The following SPEF2 variants were observed in gnomAD, a reference collection of about 807,000 sequenced individuals.
SPEF2 encodes sperm flagellar and cilia associated 2.
SPEF2 carries 187 observed loss-of-function variants against 224.6 expected under a neutral mutation model. The observed-to-expected ratio is 0.83, with a 90% confidence interval of 0.74 to 0.94. SPEF2 has a LOEUF of 0.94. Ranked by LOEUF, SPEF2 falls within the 40% of genes least tolerant of loss-of-function variation. The probability of loss-of-function intolerance (pLI) is 0.00; values close to 1 mark genes in which losing one functional copy is unlikely to be tolerated. For synonymous variants in SPEF2, 715 were observed against 707.3 expected (o/e 1.01, Z -0.17); for missense variants, 2,170 against 2,135.6 (o/e 1.02, Z -0.32).
intron 21 of SPEF2, among the ~76,000 whole-genome samples, chr5:35,733,040 C>G (rs1480817358): frequency 6.6e-6 from 1 of 152,146 alleles, no homozygotes; most frequent in East Asian, 1.9e-4. Context: ...CCCTGTGGGT[C>G]TGGGAACATA....
chr5:35,773,788 G>A, intron 27 of SPEF2, 105 bp from the exon 28 acceptor site: 2 of 1,324,158 alleles, frequency 1.5e-6, no homozygotes, highest in Middle Eastern at 2.1e-4. Flanking sequence ...AATCACTAGA[G>A]GTTTATAGCT....
intron 10 of SPEF2, among the ~76,000 whole-genome samples, chr5:35,676,407 T>C (rs1752018992): frequency 6.6e-6 from 1 of 152,148 alleles, no homozygotes; most frequent in Admixed American, 6.5e-5. Context: ...CCAGCTAGGA[T>C]TTTAGAGTTG....
chr5:35,745,994 A>C (rs937817071), intron 23 of SPEF2, among the ~76,000 whole-genome samples: 2 of 152,214 alleles, frequency 1.3e-5, no homozygotes, highest in Admixed American at 1.3e-4. Context: ...TTCACATCAC[A>C]GGACTCTGTG....
chr5:35,667,067 T>C lies in SPEF2; in HGVS notation c.1168-5T>C, dbSNP rs1434341679. On this transcript the variant is annotated splice_polypyrimidine_tract_variant and splice_region_variant and intron_variant, in intron 8 of 36. Transcript: ENST00000356031. ...TGACTTAAAAATATGTTTTTGCCTT[T>C]TTAGGCTTTGGCAAAACAAGCCAAG... 3 of 1,595,454 alleles carry C rather than the reference T, an allele frequency of 1.9e-6. No homozygotes were observed. The highest frequency in any genetic ancestry group is 1.4e-5 in the African/African-American group (1 of 73,806).
chr5:35,623,941 C>G (rs1743856594), intron 1 of SPEF2, among the ~76,000 whole-genome samples: 1 of 152,028 alleles, frequency 6.6e-6, no homozygotes, highest in Admixed American at 6.5e-5. Context: ...AAGGTAGACC[C>G]CATCACTCTC....
intron 21 of SPEF2, among the ~76,000 whole-genome samples, chr5:35,733,834 G>T (rs1175332215): frequency 6.6e-6 from 1 of 151,750 alleles, no homozygotes; most frequent in African/African-American, 2.4e-5. Context: ...TCAAATCCCA[G>T]CTATGTCACT....
At position 35,691,463 on chromosome 5, in the gene SPEF2, T is replaced by A. The variant is rs74977704; in HGVS notation, c.1744+207T>A. Among the ~76,000 whole-genome samples the A allele has an allele frequency of 1.6e-3, 238 of 152,340 alleles. 1 individual carries two copies. The highest frequency in any genetic ancestry group is 5.5e-3 in the African/African-American group (227 of 41,580). ...TTGATACATGCTACAACATGGATGA[T>A]CCTTCACAACATTATGCTAAGTGAA... On this transcript the variant is annotated intron_variant, in intron 11 of 36. Transcript: ENST00000356031.
chr5:35,778,129 G>A (rs1753853321), intron 29 of SPEF2, among the ~76,000 whole-genome samples: 1 of 152,020 alleles, frequency 6.6e-6, no homozygotes, highest in Admixed American at 6.6e-5. Context: ...TTCAGTATGT[G>A]GTATATTTGG....
intron 34 of SPEF2, among the ~76,000 whole-genome samples, chr5:35,803,740 C>T (rs1757738645): frequency 6.6e-6 from 1 of 152,190 alleles, no homozygotes; most frequent in South Asian, 2.1e-4. Flanking sequence ...ACACCTCTAG[C>T]AGATTCATAT....
intron 12 of SPEF2, among the ~76,000 whole-genome samples, chr5:35,693,940 C>G (rs114484151): frequency 0.035 from 5,280 of 152,232 alleles, 148 homozygotes; most frequent in Non-Finnish European, 0.051. Flanking sequence ...ACTGACATCT[C>G]TAGGATTGTT....
chr5:35,751,078 T>TAC lies in SPEF2; in HGVS notation c.3331-2528_3331-2527dup, dbSNP rs1180305756. 1.9e-3 allele frequency among the ~76,000 whole-genome samples: 44 copies of TAC among 22,598 alleles called. 3 individuals are homozygous for TAC. Among genetic ancestry groups the TAC allele is most frequent in the Non-Finnish European group, 2.9e-3 (29 of 9,852 alleles). 14.8% of individuals were successfully genotyped at this position (22,598 alleles called of 152,430 possible). ...ATACGTATATATATGTATATATATA[T>TAC]ACACACACACACACACACATATATA... On this transcript the variant is annotated intron_variant, in intron 23 of 36. Coordinates refer to ENST00000356031, the MANE Select transcript of SPEF2 (RefSeq NM_024867.4).
intron 20 of SPEF2, among the ~76,000 whole-genome samples, chr5:35,721,112 A>C (rs1743582216): frequency 6.6e-6 from 1 of 152,178 alleles, no homozygotes; most frequent in South Asian, 2.1e-4. Context: ...AAAACCATAT[A>C]ATACCCTTTT....
chr5:35,669,910 C>A, intron 9 of SPEF2, 149 bp from the exon 10 acceptor site: 1 of 605,814 alleles, frequency 1.7e-6, no homozygotes, highest in Non-Finnish European at 2.8e-6. Context: ...ATTGTCATTG[C>A]ACATATGGTA....
At chr5:35,738,251 C>A (rs1052298213) in intron 21 of SPEF2, among the ~76,000 whole-genome samples, 3 of 152,070 alleles carry the variant, frequency 2.0e-5, no homozygotes, top group African/African-American at 7.2e-5. Context: ...GCTTTTGTTG[C>A]CATTGCTTTT....
intron 36 of SPEF2, among the ~76,000 whole-genome samples, chr5:35,808,926 C>T (rs566569470): frequency 1.1e-4 from 17 of 150,648 alleles, no homozygotes; most frequent in Middle Eastern, 3.5e-3. Context: ...TGTTTAGACA[C>T]GAAGCCTATG....
intron 30 of SPEF2, chr5:35,790,086 C>A: frequency 1.4e-6 from 1 of 702,880 alleles, no homozygotes; most frequent in Non-Finnish European, 2.6e-6. Context: ...ACACAAGTAT[C>A]CAAATATCCT....
intron 24 of SPEF2, among the ~76,000 whole-genome samples, chr5:35,757,997 T>C (rs981234743): frequency 2.0e-5 from 3 of 152,200 alleles, no homozygotes; most frequent in African/African-American, 7.2e-5. Context: ...CTTTTCTATA[T>C]CAAATACAGA....
chr5:35,780,511 G>T (rs1158590822), intron 30 of SPEF2, among the ~76,000 whole-genome samples: 1 of 152,122 alleles, frequency 6.6e-6, no homozygotes, highest in Non-Finnish European at 1.5e-5. Flanking sequence ...ATTTGGGCAC[G>T]AAGGAAACAT....
At chr5:35,640,511 T>C (rs1027206178) in intron 2 of SPEF2, among the ~76,000 whole-genome samples, 2 of 152,256 alleles carry the variant, frequency 1.3e-5, no homozygotes, top group African/African-American at 2.4e-5. Flanking sequence ...TTTAGACAAA[T>C]GTTGTATCTC....
Sources: gnomAD v4.1 joint callset for allele counts (sites outside exome capture counted in the v4.1 genomes callset) on GRCh38, gnomAD v4.1.1 for gene constraint, MANE v1.5 for transcripts, NCBI Gene and HGNC (gene_info 2026-07-23, HGNC 2026-07-21) for gene names.